The following DHRSX variants were observed in gnomAD, a reference collection of about 807,000 sequenced individuals.
DHRSX encodes dehydrogenase/reductase X-linked.
DHRSX carries 31 observed loss-of-function variants against 34.0 expected under a neutral mutation model. The ratio of observed to expected loss-of-function variants is 0.91; its 90% CI spans 0.69 to 1.23. The LOEUF (loss-of-function observed/expected upper bound fraction) is 1.23. Ranked by LOEUF, DHRSX falls within the 50% of genes most tolerant of loss-of-function variation. DHRSX has a pLI of 0.00. For missense variants in DHRSX, 414 were observed against 428.1 expected (o/e 0.97, Z 0.29); for synonymous variants, 201 against 183.8 (o/e 1.09, Z -0.76).
At chrX:2,249,005 T>C (rs2016369733) in intron 5 of DHRSX, among the ~76,000 whole-genome samples, 1 of 152,016 alleles carries the variant, frequency 6.6e-6, no homozygotes. Context: ...GCAAGTTGAT[T>C]TTTCAGCTTG....
At chrX:2,339,383 C>G (rs982495155) in intron 3 of DHRSX, among the ~76,000 whole-genome samples, 1 of 152,052 alleles carries the variant, frequency 6.6e-6, no homozygotes, top group African/African-American at 2.4e-5. Context: ...AGGTAATCCG[C>G]TCGCCTCAGC....
At chrX:2,490,782 G>T (rs1417077379) in intron 1 of DHRSX, 3 of 1,562,898 alleles carry the variant, frequency 1.9e-6, no homozygotes, top group Non-Finnish European at 1.7e-6. Flanking sequence ...GCTGAGAAGG[G>T]CCAAGACAAA....
intron 4 of DHRSX, among the ~76,000 whole-genome samples, chrX:2,270,511 G>A (rs1479347732): frequency 7.9e-5 from 12 of 152,168 alleles, no homozygotes; most frequent in Admixed American, 5.9e-4. Context: ...TGCACAGGCC[G>A]CACTGGATGC....
At chrX:2,232,110 C>T (rs2015908580) in intron 6 of DHRSX, among the ~76,000 whole-genome samples, 1 of 150,662 alleles carries the variant, frequency 6.6e-6, no homozygotes, top group Admixed American at 6.7e-5. Context: ...TTTTCTCTCT[C>T]TCCCTTCCCT....
intron 5 of DHRSX, among the ~76,000 whole-genome samples, chrX:2,252,233 G>T (rs777408700): frequency 6.7e-6 from 1 of 149,462 alleles, no homozygotes; most frequent in South Asian, 2.1e-4. Context: ...GCAAAACTCT[G>T]TCTCAAAAAT....
At chrX:2,455,992 T>A (rs2076310337) in intron 1 of DHRSX, among the ~76,000 whole-genome samples, 1 of 151,904 alleles carries the variant, frequency 6.6e-6, no homozygotes, top group Non-Finnish European at 1.5e-5. Flanking sequence ...CCTGGCTCCG[T>A]CACTGATCAA....
Position 2,306,717 on chromosome X carries a change from G to A in DHRSX, c.287-15114C>T, listed in dbSNP as rs188802033. 6.6e-5 allele frequency among the ~76,000 whole-genome samples: 10 copies of A among 152,182 alleles called. No individual in the cohort carries two copies. The East Asian group carries it at 1.5e-3, about 24-fold the overall frequency. ...CTAGTATGTGGTTGAGCATTTGTGCGTCTATCTTCATCTGGGATATTGGCC... is the reference window on the plus strand; with the variant it reads ...CTAGTATGTGGTTGAGCATTTGTGCATCTATCTTCATCTGGGATATTGGCC... On this transcript the variant is annotated intron_variant, in intron 3 of 6. Transcript: ENST00000334651.
At chrX:2,276,333 G>A (rs758923222) in intron 4 of DHRSX, among the ~76,000 whole-genome samples, 6 of 152,292 alleles carry the variant, frequency 3.9e-5, no homozygotes, top group Non-Finnish European at 7.4e-5. Context: ...TGCCGTCCAC[G>A]TTAGGAGCAT....
chrX:2,324,254 A>T (rs2042349107), intron 3 of DHRSX, among the ~76,000 whole-genome samples: 3 of 152,090 alleles, frequency 2.0e-5, no homozygotes, highest in South Asian at 4.1e-4. Flanking sequence ...ATGCATGTGG[A>T]ATCCAAACAT....
chrX:2,373,452 T>C lies in DHRSX; in HGVS notation c.286+35293A>G, dbSNP rs772270254. ...CTTTTCCACTAAAACACCTGCTCCA[T>C]TTCCTCTGGGGCCTCCATTCTCCCC... On this transcript the variant is annotated intron_variant, in intron 3 of 6. Coordinates refer to ENST00000334651, the MANE Select transcript of DHRSX (RefSeq NM_145177.3). Among the ~76,000 whole-genome samples the C allele has an allele frequency of 3.3e-5, 5 of 152,270 alleles. No homozygotes were observed. The South Asian group carries it at 8.3e-4, about 25-fold the overall frequency.
chrX:2,290,711 G>A (rs749980703), intron 4 of DHRSX, among the ~76,000 whole-genome samples: 16 of 152,292 alleles, frequency 1.1e-4, no homozygotes, highest in East Asian at 7.7e-4. Flanking sequence ...AAAGTGATGC[G>A]TTAAATTCTA....
chrX:2,408,722 GC>G (rs2043590085), intron 3 of DHRSX, 22 bp downstream of exon 3: 11 of 1,575,930 alleles, frequency 7.0e-6, no homozygotes, highest in Non-Finnish European at 9.5e-6. Flanking sequence ...ACAAAAAAAA[GC>G]CATTGGAGTA....
chrX:2,453,234 C>T (rs1479923096), intron 1 of DHRSX, among the ~76,000 whole-genome samples: 1 of 152,008 alleles, frequency 6.6e-6, no homozygotes, highest in Non-Finnish European at 1.5e-5. Flanking sequence ...TGTCAAAGAA[C>T]ACAAAATTTC....
chrX:2,426,225 A>G (rs1315888693), intron 1 of DHRSX, among the ~76,000 whole-genome samples: 1 of 152,154 alleles, frequency 6.6e-6, no homozygotes, highest in Non-Finnish European at 1.5e-5. Flanking sequence ...AGTTTGCTTC[A>G]TAGCTGCTGG....
At chrX:2,304,228 GATGGATGGATGGATAA>G (rs2042069570) in intron 3 of DHRSX, among the ~76,000 whole-genome samples, 2 of 135,820 alleles carry the variant, frequency 1.5e-5, no homozygotes, top group African/African-American at 2.8e-5. Context: ...TGGATGGATG[GATGGATGGATGGATAA>G]ATGGATGGAT....
At chrX:2,500,654 G>GCCCCCCCCCCCCCCCCCCCC (rs546772121) in intron 1 of DHRSX, 163 bp downstream of exon 1, 3 of 126,742 alleles carry the variant, frequency 2.4e-5, no homozygotes, top group Non-Finnish European at 3.3e-5. Context: ...CGCGCACGCC[G>GCCCCCCCCCCCCCCCCCCCC]CCCCCCCCCC....
intron 3 of DHRSX, among the ~76,000 whole-genome samples, chrX:2,355,891 C>T (rs1442190323): frequency 6.6e-6 from 1 of 151,710 alleles, no homozygotes; most frequent in Non-Finnish European, 1.5e-5. Context: ...CATGGTAAAA[C>T]CCCATCTCTA....
intron 2 of DHRSX, among the ~76,000 whole-genome samples, chrX:2,422,144 T>A (rs1021594269): frequency 6.6e-6 from 1 of 152,226 alleles, no homozygotes; most frequent in Non-Finnish European, 1.5e-5. Context: ...AAATTCATGT[T>A]GAAATCTCCA....
intron 3 of DHRSX, among the ~76,000 whole-genome samples, chrX:2,359,028 C>T (rs768818533): frequency 3.3e-5 from 5 of 151,486 alleles, no homozygotes; most frequent in East Asian, 1.9e-4. Context: ...ATTAGAGACA[C>T]GCAAATCAAA....
Sources: gnomAD v4.1 joint callset for allele counts (sites outside exome capture counted in the v4.1 genomes callset) on GRCh38, gnomAD v4.1.1 for gene constraint, MANE v1.5 for transcripts, NCBI Gene and HGNC (gene_info 2026-07-23, HGNC 2026-07-21) for gene names.